Variants in ATP8A2 observed in about 807,000 individuals in gnomAD.
The protein encoded by ATP8A2 is ATPase phospholipid transporting 8A2.
In ATP8A2, 100 loss-of-function variants were observed where a neutral mutation model predicts 165.6. The observed-to-expected ratio is 0.60, with a 90% CI of 0.51 to 0.71. The LOEUF (loss-of-function observed/expected upper bound fraction) is 0.71. ATP8A2 is among the 30% of genes least tolerant of loss of function. The probability of loss-of-function intolerance (pLI) is 0.00; values close to 1 mark genes in which losing one functional copy is unlikely to be tolerated. For missense variants in ATP8A2, 1,227 were observed against 1,479.5 expected, an observed-to-expected ratio of 0.83 and a Z score of 2.80; for synonymous variants, 543 against 548.8, an observed-to-expected ratio of 0.99 and a Z score of 0.15.
At chr13:25,812,171 G>A (rs1432569218) in intron 27 of ATP8A2, among the ~76,000 whole-genome samples, 1 of 151,284 alleles carries the variant, frequency 6.6e-6, no homozygotes, top group Non-Finnish European at 1.5e-5. Flanking sequence ...TTTTCTCTGT[G>A]GTTTCTAATG....
At chr13:25,946,553 A>G (rs1955217542) in intron 33 of ATP8A2, among the ~76,000 whole-genome samples, 2 of 152,134 alleles carry the variant, frequency 1.3e-5, no homozygotes, top group Non-Finnish European at 1.5e-5. Flanking sequence ...ACCCAGATAT[A>G]CATTCTTGAC....
intron 26 of ATP8A2, among the ~76,000 whole-genome samples, chr13:25,769,447 TG>T (rs1166739826): frequency 6.6e-6 from 1 of 152,214 alleles, no homozygotes; most frequent in Non-Finnish European, 1.5e-5. Flanking sequence ...TGGCCAGCTA[TG>T]GGGTTGGCCA....
At chr13:25,439,327 G>T (rs2034866830) in intron 1 of ATP8A2, among the ~76,000 whole-genome samples, 1 of 152,032 alleles carries the variant, frequency 6.6e-6, no homozygotes, top group African/African-American at 2.4e-5. Flanking sequence ...ATGCTTCAGG[G>T]TCAAAAAAAG....
intron 1 of ATP8A2, among the ~76,000 whole-genome samples, chr13:25,460,452 A>C (rs1447423733): frequency 6.6e-6 from 1 of 152,208 alleles, no homozygotes; most frequent in Non-Finnish European, 1.5e-5. Context: ...GTATTTTTAA[A>C]ACTCAACCAA....
chr13:25,582,954 G>T (rs570284192), intron 23 of ATP8A2, among the ~76,000 whole-genome samples: 2 of 152,304 alleles, frequency 1.3e-5, no homozygotes, highest in South Asian at 4.1e-4. Flanking sequence ...CCCAAACAAC[G>T]GAAGTTAAGC....
At chr13:25,621,175 AGAAG>A (rs2040957953) in intron 24 of ATP8A2, among the ~76,000 whole-genome samples, 1 of 152,170 alleles carries the variant, frequency 6.6e-6, no homozygotes, top group South Asian at 2.1e-4. Flanking sequence ...CCAGTGCAGA[AGAAG>A]GTACCTTGAA....
chr13:25,507,495 A>C (rs1211114145), intron 2 of ATP8A2, among the ~76,000 whole-genome samples: 1 of 151,862 alleles, frequency 6.6e-6, no homozygotes, highest in African/African-American at 2.4e-5. Context: ...CGAACTCCTG[A>C]CCTCAGGTGA....
intron 27 of ATP8A2, among the ~76,000 whole-genome samples, chr13:25,820,646 G>A (rs1342772533): frequency 1.3e-5 from 2 of 152,278 alleles, no homozygotes; most frequent in Admixed American, 1.3e-4. Context: ...ATTGGGTGGT[G>A]CTGTCTTTTT....
chr13:25,503,859 C>T (rs537446497), intron 2 of ATP8A2, among the ~76,000 whole-genome samples: 2 of 152,230 alleles, frequency 1.3e-5, no homozygotes, highest in East Asian at 1.9e-4. Flanking sequence ...GATGTGTGTG[C>T]GCACACACTG....
At chr13:25,743,372 A>G (rs947995272) in intron 25 of ATP8A2, among the ~76,000 whole-genome samples, 1 of 152,206 alleles carries the variant, frequency 6.6e-6, no homozygotes, top group African/African-American at 2.4e-5. Flanking sequence ...TGTGACAATA[A>G]ATTTCTGGTG....
intron 2 of ATP8A2, among the ~76,000 whole-genome samples, chr13:25,505,087 G>A (rs562267714): frequency 1.8e-4 from 28 of 152,014 alleles, no homozygotes; most frequent in African/African-American, 6.5e-4. Context: ...TGTATGTGTT[G>A]GTTTTAGAAT....
intron 30 of ATP8A2, among the ~76,000 whole-genome samples, chr13:25,853,276 C>A (rs1044840393): frequency 2.0e-5 from 3 of 151,520 alleles, no homozygotes; most frequent in Admixed American, 6.6e-5. Flanking sequence ...CCTGTAGTCC[C>A]AGCTACTCGG....
intron 9 of ATP8A2, among the ~76,000 whole-genome samples, chr13:25,543,060 T>C (rs2038533840): frequency 6.6e-6 from 1 of 152,200 alleles, no homozygotes; most frequent in Non-Finnish European, 1.5e-5. Flanking sequence ...TGCAACATTT[T>C]ATAGAAAAAG....
At chr13:25,788,758 C>T (rs2045094404) in intron 27 of ATP8A2, among the ~76,000 whole-genome samples, 1 of 152,210 alleles carries the variant, frequency 6.6e-6, no homozygotes, top group Admixed American at 6.5e-5. Flanking sequence ...AGTGGGCTTG[C>T]TTCCTGTTTG....
chr13:25,990,164 G>A (rs1293377846), intron 35 of ATP8A2, among the ~76,000 whole-genome samples: 1 of 149,416 alleles, frequency 6.7e-6, no homozygotes, highest in East Asian at 2.0e-4. Context: ...AGCCTACATT[G>A]ACTCTTTCAT....
chr13:25,946,528 A>G (rs1955216986), intron 33 of ATP8A2, among the ~76,000 whole-genome samples: 1 of 152,158 alleles, frequency 6.6e-6, no homozygotes, highest in Non-Finnish European at 1.5e-5. Context: ...GCAAGCTGAT[A>G]TAAATTATTT....
chr13:25,776,055 A>G (rs1379656384), intron 27 of ATP8A2, among the ~76,000 whole-genome samples: 1 of 152,246 alleles, frequency 6.6e-6, no homozygotes, highest in Non-Finnish European at 1.5e-5. Context: ...ATGGCCCAAG[A>G]CAACCGGGCC....
chr13:25,759,622 GCTAAAAACAT>G (rs2044339059), intron 25 of ATP8A2, among the ~76,000 whole-genome samples: 1 of 152,110 alleles, frequency 6.6e-6, no homozygotes, highest in Non-Finnish European at 1.5e-5. Flanking sequence ...TGCTTTTTGT[GCTAAAAACAT>G]TAAGGTATTT....
At chr13:25,803,288 T>G (rs1593371029) in intron 27 of ATP8A2, among the ~76,000 whole-genome samples, 2 of 152,282 alleles carry the variant, frequency 1.3e-5, no homozygotes, top group East Asian at 3.9e-4. Context: ...AGGTCTTAAG[T>G]AAGTCAGGTG....
Sources: gnomAD v4.1 joint callset for allele counts (sites outside exome capture counted in the v4.1 genomes callset) on GRCh38, gnomAD v4.1.1 for gene constraint, MANE v1.5 for transcripts, NCBI Gene and HGNC (gene_info 2026-07-23, HGNC 2026-07-21) for gene names.